Variants in GNG7 observed in about 807,000 individuals in gnomAD.
GNG7 encodes the protein guanine nucleotide-binding protein G(I)/G(S)/G(O) subunit gamma-7.
A neutral mutation model predicts 4.0 loss-of-function variants in GNG7; 1 was observed. That is an observed-to-expected ratio of 0.25 (90% CI 0.09 to 1.18). The LOEUF is 1.18. Ranked by LOEUF, GNG7 falls within the 50% of genes most tolerant of loss-of-function variation. The pLI is 0.50. For missense variants in GNG7, 86 were observed against 91.9 expected, an observed-to-expected ratio of 0.94 and a Z score of 0.26; for synonymous variants, 34 against 36.9, an observed-to-expected ratio of 0.92 and a Z score of 0.29.
chr19:2,521,982 G>T (rs1265566885), intron 3 of GNG7, among the ~76,000 whole-genome samples: 2 of 152,122 alleles, frequency 1.3e-5, no homozygotes, highest in Non-Finnish European at 2.9e-5. Context: ...AAAAACCCAG[G>T]ACCTCAACAG....
At chr19:2,680,309 C>T (rs1481860762) in intron 1 of GNG7, among the ~76,000 whole-genome samples, 2 of 151,846 alleles carry the variant, frequency 1.3e-5, no homozygotes, top group African/African-American at 4.8e-5. Context: ...GCCACCATGC[C>T]TGGCCAATTT....
chr19:2,663,706 G>T (rs1298570545), intron 1 of GNG7, among the ~76,000 whole-genome samples: 1 of 152,164 alleles, frequency 6.6e-6, no homozygotes, highest in Non-Finnish European at 1.5e-5. Context: ...TCAGAAGAAT[G>T]ACCAGGCCAA....
chr19:2,554,653 C>T (rs1979493023), intron 3 of GNG7, among the ~76,000 whole-genome samples: 1 of 151,274 alleles, frequency 6.6e-6, no homozygotes, highest in Non-Finnish European at 1.5e-5. Context: ...CTCCCAGGTT[C>T]AAGCGATTCT....
At chr19:2,686,000 C>T (rs1983861229) in intron 1 of GNG7, among the ~76,000 whole-genome samples, 1 of 152,082 alleles carries the variant, frequency 6.6e-6, no homozygotes, top group Non-Finnish European at 1.5e-5. Context: ...CACCTCAGCC[C>T]CCACCGATAT....
At chr19:2,674,663 T>G (rs1983549476) in intron 1 of GNG7, among the ~76,000 whole-genome samples, 1 of 152,208 alleles carries the variant, frequency 6.6e-6, no homozygotes, top group African/African-American at 2.4e-5. Context: ...CTCGAACTCC[T>G]GACCTCAGGT....
rs556796837 is a variant in GNG7, at chr19:2,535,492, C to G, written c.-37-14767G>C. ...TCCAGCCTGGGTGACAGAGTAAGAC[C>G]TTGTCTCAAAAAAAAAAAAAAAGAT... On this transcript the variant is annotated intron_variant, in intron 3 of 4. Transcript: ENST00000382159. 5.2e-3 allele frequency among the ~76,000 whole-genome samples: 701 copies of G among 134,480 alleles called. 15 individuals carry two copies. Among genetic ancestry groups the G allele is most frequent in the Middle Eastern group, 0.022 (6 of 272 alleles). 88.2% of individuals were successfully genotyped at this position (134,480 alleles called of 152,430 possible). A position where few individuals can be genotyped will look rare whatever the true frequency, so the allele number is the denominator to read the frequency against.
At chr19:2,602,901 C>CTTTCCTTCTTTCT (rs1555697045) in intron 2 of GNG7, among the ~76,000 whole-genome samples, 10 of 148,844 alleles carry the variant, frequency 6.7e-5, no homozygotes, top group Admixed American at 1.3e-4. Context: ...TTCTCTTTTT[C>CTTTCCTTCTTTCT]TTTCTTTCTT....
At chr19:2,586,436 C>A (rs949893500) in intron 2 of GNG7, among the ~76,000 whole-genome samples, 1 of 152,276 alleles carries the variant, frequency 6.6e-6, no homozygotes, top group South Asian at 2.1e-4. Flanking sequence ...TGGGATGGCG[C>A]GTCTGGCTTG....
chr19:2,513,576 C>T lies in GNG7; in HGVS notation c.*1446G>A, dbSNP rs533256732. On this transcript the variant is annotated 3_prime_UTR_variant, in exon 5 of 5. Coordinates refer to ENST00000382159, the MANE Select transcript of GNG7 (RefSeq NM_052847.3). Reference sequence around the variant, plus strand: ...CCGCTGGGAGGAGTGGCCCATCCTGCGTCTAAGGCATCTCCCGGCCTCAGA... The same window carrying T: ...CCGCTGGGAGGAGTGGCCCATCCTGTGTCTAAGGCATCTCCCGGCCTCAGA... 1.2e-5 allele frequency: 12 copies of T among 985,476 alleles called. No individual in the cohort carries two copies. In the South Asian group the frequency reaches 3.3e-4, roughly 27 times the overall value. 61.0% of individuals were successfully genotyped at this position (985,476 alleles called of 1,614,324 possible). A position where few individuals can be genotyped will look rare whatever the true frequency, so the allele number is the denominator to read the frequency against.
intron 2 of GNG7, among the ~76,000 whole-genome samples, chr19:2,619,187 G>A (rs929126641): frequency 5.3e-5 from 8 of 152,274 alleles, no homozygotes; most frequent in Non-Finnish European, 7.4e-5. Flanking sequence ...TGGAATAATC[G>A]TCAGGACCAG....
At chr19:2,556,265 G>A (rs1221304526) in intron 2 of GNG7, among the ~76,000 whole-genome samples, 1 of 152,234 alleles carries the variant, frequency 6.6e-6, no homozygotes, top group East Asian at 1.9e-4. Context: ...AGCTCTAGGG[G>A]AGGCCCCGTC....
At chr19:2,547,720 G>A (rs923739795) in intron 3 of GNG7, among the ~76,000 whole-genome samples, 2 of 152,212 alleles carry the variant, frequency 1.3e-5, no homozygotes, top group Non-Finnish European at 2.9e-5. Flanking sequence ...GGAAGGGGCT[G>A]GAGGCCATGG....
intron 4 of GNG7, 46 bp from the exon 5 acceptor site, chr19:2,515,193 C>T (rs781158082): frequency 1.9e-5 from 31 of 1,609,184 alleles, no homozygotes; most frequent in Non-Finnish European, 2.4e-5. Flanking sequence ...TAAGAAGAGG[C>T]TGGCACACCC....
chr19:2,568,152 CACAT>C (rs1568246664), intron 2 of GNG7, among the ~76,000 whole-genome samples: 2 of 149,316 alleles, frequency 1.3e-5, no homozygotes, highest in Non-Finnish European at 2.9e-5. Context: ...CACATGCACA[CACAT>C]ACACATACAT....
Position 2,563,111 on chromosome 19 carries a change from A to AT in GNG7, c.-77-7924dup, listed in dbSNP as rs1027230191. ...AGGCGCCCACCACCACGCCCAGCTA[A>AT]TTTTTTTTTTGTACTTTTAGTAAAG... On this transcript the variant is annotated intron_variant, in intron 2 of 4. Coordinates refer to ENST00000382159, the MANE Select transcript of GNG7 (RefSeq NM_052847.3). Among the ~76,000 whole-genome samples the AT allele has an allele frequency of 3.3e-3, 491 of 148,376 alleles. 3 individuals are homozygous for AT. The highest frequency in any genetic ancestry group is 0.014 in the Middle Eastern group (4 of 290).
At chr19:2,668,846 C>T (rs914523665) in intron 1 of GNG7, among the ~76,000 whole-genome samples, 1 of 152,050 alleles carries the variant, frequency 6.6e-6, no homozygotes, top group Non-Finnish European at 1.5e-5. Flanking sequence ...TGCTGAGTAC[C>T]GCAGGGTGCT....
chr19:2,678,729 TG>T (rs1447496815), intron 1 of GNG7, among the ~76,000 whole-genome samples: 2 of 152,098 alleles, frequency 1.3e-5, no homozygotes, highest in South Asian at 4.2e-4. Flanking sequence ...AGCCCCAGCC[TG>T]GTAACTACTT....
At chr19:2,685,160 G>A (rs1983840922) in intron 1 of GNG7, among the ~76,000 whole-genome samples, 1 of 151,668 alleles carries the variant, frequency 6.6e-6, no homozygotes, top group Non-Finnish European at 1.5e-5. Context: ...AATAAAGTAG[G>A]ATGGGAGTGC....
chr19:2,585,542 A>G (rs10423299), intron 2 of GNG7, among the ~76,000 whole-genome samples: 56,531 of 152,054 alleles, frequency 0.37, 12,215 homozygotes, highest in African/African-American at 0.58. Context: ...CCGTAAGTTC[A>G]AAAGTATATT....
Sources: allele counts gnomAD v4.1 joint callset (sites outside exome capture counted in the v4.1 genomes callset), GRCh38; gene constraint gnomAD v4.1.1; transcripts MANE v1.5; gene names NCBI Gene and HGNC (gene_info 2026-07-23, HGNC 2026-07-21).